The following MAML2 variants were observed in gnomAD, a reference collection of about 807,000 sequenced individuals.
MAML2 encodes the protein mastermind like transcriptional coactivator 2.
In MAML2, 22 loss-of-function variants were observed where a neutral mutation model predicts 96.1. The observed-to-expected ratio is 0.23, with a 90% CI of 0.16 to 0.33. MAML2 has a LOEUF of 0.33. Ranked by LOEUF, MAML2 falls within the 10% of genes least tolerant of loss-of-function variation. MAML2 has a pLI of 1.00. For missense variants in MAML2, 1,367 were observed against 1,392.4 expected (o/e 0.98, Z 0.29); for synonymous variants, 561 against 521.3 (o/e 1.08, Z -1.04).
intron 1 of MAML2, among the ~76,000 whole-genome samples, chr11:96,148,601 A>G (rs1860859600): frequency 0.045 from 2 of 44 alleles, no homozygotes; most frequent in South Asian, 0.5. Flanking sequence ...AATGTTGGGG[A>G]TCAATATGAA....
intron 1 of MAML2, among the ~76,000 whole-genome samples, chr11:96,316,660 C>T (rs1324160992): frequency 1.3e-5 from 2 of 152,184 alleles, no homozygotes; most frequent in Non-Finnish European, 2.9e-5. Flanking sequence ...GACCTACAGG[C>T]TTGCGTAAGG....
At position 96,342,066 on chromosome 11, in the gene MAML2, G is replaced by C. The variant is rs750959068; in HGVS notation, c.-171C>G. On this transcript the variant is annotated 5_prime_UTR_variant, in exon 1 of 5. Coordinates refer to ENST00000524717, the MANE Select transcript of MAML2 (RefSeq NM_032427.4). ...CGTGGAGAAGTTGTGGGGGAGGGGA[G>C]TTAGTAAAAAGAGGGTGGGGAGAAA... 1.6e-6 allele frequency: 1 copy of C among 612,340 alleles called. No homozygotes were observed. Among genetic ancestry groups the C allele is most frequent in the Non-Finnish European group, 2.8e-6 (1 of 361,700 alleles). The allele number at this position is 612,340 out of a possible 1,614,324, so 37.9% of individuals were successfully genotyped here. A position where few individuals can be genotyped will look rare whatever the true frequency, so the allele number is the denominator to read the frequency against.
At chr11:96,124,616 G>A (rs887696030) in intron 1 of MAML2, among the ~76,000 whole-genome samples, 1 of 152,104 alleles carries the variant, frequency 6.6e-6, no homozygotes, top group Non-Finnish European at 1.5e-5. Flanking sequence ...TAGACACCAG[G>A]CCTCCTTCTC....
chr11:96,072,482 T>C (rs1859362811), intron 2 of MAML2, among the ~76,000 whole-genome samples: 2 of 152,214 alleles, frequency 1.3e-5, no homozygotes, highest in Admixed American at 1.3e-4. Flanking sequence ...AAAAAGGGAA[T>C]AATGATTTTA....
At chr11:96,237,098 A>G (rs1862376217) in intron 1 of MAML2, among the ~76,000 whole-genome samples, 1 of 152,240 alleles carries the variant, frequency 6.6e-6, no homozygotes, top group Non-Finnish European at 1.5e-5. Flanking sequence ...AGCAGTTTCA[A>G]AGGAAGAACT....
intron 1 of MAML2, among the ~76,000 whole-genome samples, chr11:96,213,035 C>T (rs1229655922): frequency 6.6e-6 from 1 of 152,186 alleles, no homozygotes; most frequent in Non-Finnish European, 1.5e-5. Flanking sequence ...AAGAGCCCAT[C>T]TGGTCCTCAC....
At chr11:96,271,843 T>C (rs1367153378) in intron 1 of MAML2, among the ~76,000 whole-genome samples, 1 of 152,214 alleles carries the variant, frequency 6.6e-6, no homozygotes, top group African/African-American at 2.4e-5. Context: ...TACAAGGCCG[T>C]ATGCAACCTG....
intron 4 of MAML2, among the ~76,000 whole-genome samples, chr11:95,981,178 T>C (rs878893469): frequency 2.0e-5 from 3 of 152,240 alleles, no homozygotes; most frequent in Admixed American, 6.5e-5. Flanking sequence ...CATCCTTCCA[T>C]GTGTCCACGA....
intron 1 of MAML2, among the ~76,000 whole-genome samples, chr11:96,249,756 A>C (rs936308440): frequency 6.6e-6 from 1 of 151,992 alleles, no homozygotes; most frequent in African/African-American, 2.4e-5. Flanking sequence ...AGCAACCATC[A>C]CTTCCAACTT....
At chr11:96,130,572 T>C (rs1384583061) in intron 1 of MAML2, among the ~76,000 whole-genome samples, 2 of 152,174 alleles carry the variant, frequency 1.3e-5, no homozygotes, top group Non-Finnish European at 2.9e-5. Flanking sequence ...TGGATTTTAG[T>C]TGCGTTTAAG....
intron 1 of MAML2, among the ~76,000 whole-genome samples, chr11:96,163,226 T>G (rs570706206): frequency 6.6e-6 from 1 of 152,198 alleles, no homozygotes; most frequent in Admixed American, 6.5e-5. Context: ...AGTTGGCAGT[T>G]GCCAGCCCCA....
At chr11:96,004,417 A>G (rs1353255291) in intron 2 of MAML2, among the ~76,000 whole-genome samples, 1 of 150,836 alleles carries the variant, frequency 6.6e-6, no homozygotes, top group Non-Finnish European at 1.5e-5. Context: ...CTTATACTCT[A>G]TAAAACATAT....
rs574274839 is a variant in MAML2, at chr11:96,329,186, A to G, written c.513+12197T>C. 1.1e-4 allele frequency among the ~76,000 whole-genome samples: 17 copies of G among 152,018 alleles called. 1 individual carries two copies. Among genetic ancestry groups the G allele is most frequent in the Admixed American group, 4.6e-4 (7 of 15,272 alleles). On this transcript the variant is annotated intron_variant, in intron 1 of 4. Transcript: ENST00000524717. ...CAAGTGTAATTGAGAGGATCTGGGG[A>G]AAAAAAATCAGTACTCTCTCTAAAA... is the stretch of plus-strand genomic sequence containing the variant.
intron 1 of MAML2, among the ~76,000 whole-genome samples, chr11:96,291,182 A>T (rs1863204428): frequency 7.8e-6 from 1 of 128,680 alleles, no homozygotes; most frequent in Admixed American, 9.5e-5. Flanking sequence ...CTGGAGTGCA[A>T]TGGCGCAATA....
At chr11:96,280,025 G>A (rs577870966) in intron 1 of MAML2, among the ~76,000 whole-genome samples, 52 of 152,274 alleles carry the variant, frequency 3.4e-4, no homozygotes, top group African/African-American at 1.2e-3. Flanking sequence ...AATCTGGCAT[G>A]TATAAAATAT....
intron 1 of MAML2, among the ~76,000 whole-genome samples, chr11:96,135,725 C>A (rs907116500): frequency 1.3e-5 from 2 of 151,572 alleles, no homozygotes; most frequent in African/African-American, 4.8e-5. Flanking sequence ...AGGAGTGATT[C>A]TTCTGGCTCG....
At chr11:96,029,615 A>C (rs1858579163) in intron 2 of MAML2, among the ~76,000 whole-genome samples, 1 of 152,186 alleles carries the variant, frequency 6.6e-6, no homozygotes, top group South Asian at 2.1e-4. Flanking sequence ...ATTCTCAAAA[A>C]TAGGCTGTGT....
chr11:96,077,208 A>ACT lies in MAML2; in HGVS notation c.2139+14682_2139+14683dup, dbSNP rs796267112. Among the ~76,000 whole-genome samples, 35 of 103,582 alleles carry ACT rather than the reference A, an allele frequency of 3.4e-4. 1 individual carries two copies. Among genetic ancestry groups the ACT allele is most frequent in the African/African-American group, 9.0e-4 (24 of 26,628 alleles). The allele number at this position is 103,582 out of a possible 152,430, so 68.0% of individuals were successfully genotyped here. ...TCTCTCTTTCTGACTTTTTACCCCA[A>ACT]CTCTCTCTCTCTTTTTTTTTTTTTT... is the stretch of plus-strand genomic sequence containing the variant. On this transcript the variant is annotated intron_variant, in intron 2 of 4. Coordinates refer to ENST00000524717, the MANE Select transcript of MAML2 (RefSeq NM_032427.4).
chr11:96,252,667 A>C (rs1266946731), intron 1 of MAML2, among the ~76,000 whole-genome samples: 1 of 152,112 alleles, frequency 6.6e-6, no homozygotes, highest in East Asian at 1.9e-4. Context: ...CTTATGAGGC[A>C]GGAGGCAGAC....
Sources: gnomAD v4.1 joint callset for allele counts (sites outside exome capture counted in the v4.1 genomes callset) on GRCh38, gnomAD v4.1.1 for gene constraint, MANE v1.5 for transcripts, NCBI Gene and HGNC (gene_info 2026-07-23, HGNC 2026-07-21) for gene names.